The following NQO2 variants were observed in gnomAD, a reference collection of about 807,000 sequenced individuals.
NQO2 encodes the protein ribosyldihydronicotinamide dehydrogenase [quinone].
NQO2 carries 18 observed loss-of-function variants against 22.0 expected under a neutral mutation model. That is an observed-to-expected ratio of 0.82 (90% confidence interval 0.56 to 1.21). The LOEUF (loss-of-function observed/expected upper bound fraction) is 1.21, where lower values mean the gene tolerates loss of function less well. Among genes scored for constraint, NQO2 ranks in the 50% most tolerant of loss-of-function variants. NQO2 has a pLI of 0.00. For missense variants in NQO2, 267 were observed against 286.9 expected (o/e 0.93, Z 0.50); for synonymous variants, 106 against 110.8 (o/e 0.96, Z 0.28).
intron 6 of NQO2, 140 bp downstream of exon 6, chr6:3,017,125 C>T (rs1757358195): frequency 5.2e-6 from 5 of 958,444 alleles, no homozygotes; most frequent in South Asian, 1.6e-5. Flanking sequence ...GGGATGGAAG[C>T]GTGATGCCCC....
Position 3,006,366 on chromosome 6 carries a change from T to C in NQO2, c.-85-102T>C. The C allele has an allele frequency of 7.1e-7, 1 of 1,413,864 alleles. No homozygotes were observed. Among genetic ancestry groups the C allele is most frequent in the African/African-American group, 1.5e-5 (1 of 67,918 alleles). The allele number at this position is 1,413,864 out of a possible 1,614,324, so 87.6% of individuals were successfully genotyped here. ...TCTCTTGAGAGGTCTTTCTCTGATG[T>C]GTTTGCGTGTCTGTCAGGAAGCAGC... On this transcript the variant is annotated intron_variant, in intron 1 of 6. Transcript: ENST00000380455. The surrounding 1 kb of genome is among the most constrained non-coding windows in gnomAD (Gnocchi z 4.0).
chr6:3,003,781 C>T, intron 1 of NQO2: 1 of 955,428 alleles, frequency 1.0e-6, no homozygotes, highest in East Asian at 1.1e-4. Context: ...GTACCTTAAA[C>T]ACAGCAAGGT....
chr6:3,006,506 C>A lies in NQO2; in HGVS notation c.-47C>A. The A allele has an allele frequency of 6.2e-7, 1 of 1,612,808 alleles. No homozygotes were observed. The highest frequency in any genetic ancestry group is 2.2e-5 in the East Asian group (1 of 44,806). ...CTGAAGAGAGACTACGCAGGAAAGC[C>A]CCAGCCACCCATCAAATCAGAGAGA... On this transcript the variant is annotated 5_prime_UTR_variant, in exon 2 of 7. Transcript: ENST00000380455. This position sits in a 1 kb window ranked among gnomAD's most constrained non-coding sequence, Gnocchi z 4.0.
intron 5 of NQO2, 39 bp from the exon 6 acceptor site, chr6:3,016,845 C>T (rs747824891): frequency 1.2e-6 from 2 of 1,608,366 alleles, no homozygotes. Context: ...CTGTCCTCTT[C>T]TGGAGTCCAC....
Position 3,006,556 on chromosome 6 carries a change from G to T in NQO2, c.4G>T (p.Ala2Ser), listed in dbSNP as rs1212016882. The T allele has an allele frequency of 6.2e-7, 1 of 1,608,076 alleles. No individual in the cohort carries two copies. The highest frequency in any genetic ancestry group is 1.3e-5 in the African/African-American group (1 of 74,696). The change falls in exon 2 of 7, where the codon GCA becomes TCA. Residue 2 changes from alanine (A) to serine (S), a missense_variant. Transcript: ENST00000380455. The surrounding 1 kb of genome is among the most constrained non-coding windows in gnomAD (Gnocchi z 4.0). M[A>S]GKKVLIVYAH... ...AAGGAATCCACCTTCTTACGCTATG[G>T]CAGGTAATGATTCACTATTGTGGAG...
chr6:3,012,783 A>T, intron 4 of NQO2, 109 bp downstream of exon 4: 1 of 1,086,962 alleles, frequency 9.2e-7, no homozygotes, highest in Non-Finnish European at 1.3e-6. Flanking sequence ...TGTTTTGAGC[A>T]CAGTTGCACA....
At chr6:3,003,987 G>A (rs1387412586) in intron 1 of NQO2, among the ~76,000 whole-genome samples, 4 of 151,654 alleles carry the variant, frequency 2.6e-5, no homozygotes, top group African/African-American at 9.7e-5. Flanking sequence ...TCTGCTCCCT[G>A]CCCTTGGTGC....
In NQO2 at chr6:3,006,475, G is replaced by T. The variant is rs1344604458; in HGVS notation, c.-78G>T. The T allele has an allele frequency of 1.9e-6, 3 of 1,608,794 alleles. No individual in the cohort carries two copies. The highest frequency in any genetic ancestry group is 1.7e-5 in the Admixed American group (1 of 59,116). ...GTTCGTTTTGTCTTCCAGATTGCTG[G>T]ACTCGCTGAAGAGAGACTACGCAGG... On this transcript the variant is annotated 5_prime_UTR_variant, in exon 2 of 7. Transcript: ENST00000380455. This position sits in a 1 kb window ranked among gnomAD's most constrained non-coding sequence, Gnocchi z 4.0.
chr6:3,015,997 T>G (rs1337032908), intron 5 of NQO2, among the ~76,000 whole-genome samples: 1 of 151,718 alleles, frequency 6.6e-6, no homozygotes, highest in African/African-American at 2.4e-5. Flanking sequence ...AGCCCAGCCC[T>G]GGCCTGGCAC....
At chr6:3,017,918 T>A (rs1462566501) in intron 6 of NQO2, among the ~76,000 whole-genome samples, 1 of 152,176 alleles carries the variant, frequency 6.6e-6, no homozygotes, top group Non-Finnish European at 1.5e-5. Context: ...GGTTTGGTAT[T>A]TTTTAATTTT....
At chr6:3,001,237 G>A (rs951677316) in intron 1 of NQO2, among the ~76,000 whole-genome samples, 1 of 151,854 alleles carries the variant, frequency 6.6e-6, no homozygotes, top group African/African-American at 2.4e-5. Context: ...TTACAGGTGC[G>A]TGCCACTACA....
Position 3,008,422 on chromosome 6 carries a change from A to G in NQO2, c.8-1603A>G, listed in dbSNP as rs914504810. The stretch of plus-strand genomic sequence containing the variant: ...AGCGAAACTCTGTTTCAAAAAAAAA[A>G]AAAAAGAAAAAGAAAAAAGGAAAGA... On this transcript the variant is annotated intron_variant, in intron 2 of 6. Transcript: ENST00000380455. Among the ~76,000 whole-genome samples the G allele has an allele frequency of 1.1e-4, 17 of 150,496 alleles. 1 individual carries two copies. The highest frequency in any genetic ancestry group is 3.6e-4 in the African/African-American group (15 of 41,364).
intron 6 of NQO2, among the ~76,000 whole-genome samples, chr6:3,018,620 G>T (rs1335077427): frequency 6.6e-6 from 1 of 152,212 alleles, no homozygotes; most frequent in African/African-American, 2.4e-5. Context: ...CTGGATGAGG[G>T]TGTGGGTTTT....
intron 6 of NQO2, among the ~76,000 whole-genome samples, chr6:3,017,541 GCCTGCTTCCCCAGGGGA>G: frequency 6.6e-6 from 1 of 152,324 alleles, no homozygotes; most frequent in Non-Finnish European, 1.5e-5. Flanking sequence ...CCCCTCCCAG[GCCTGCTTCCCCAGGGGA>G]CCTCTTGGTG....
rs932471509 is a variant in NQO2, at chr6:3,005,793, C to G, written c.-85-675C>G. 3 of 985,256 alleles carry G rather than the reference C, an allele frequency of 3.0e-6. No homozygotes were observed. In the African/African-American group the frequency reaches 5.2e-5, roughly 17 times the overall value. The allele number at this position is 985,256 out of a possible 1,614,324, so 61.0% of individuals were successfully genotyped here. Reference sequence around the variant, plus strand: ...GCCACCGCACATAGCAACTGTCTCTCTCTCACTCTTCTGGGCCATGCTGTG... The same window carrying G: ...GCCACCGCACATAGCAACTGTCTCTGTCTCACTCTTCTGGGCCATGCTGTG... On this transcript the variant is annotated intron_variant, in intron 1 of 6. Transcript: ENST00000380455.
intron 2 of NQO2, among the ~76,000 whole-genome samples, chr6:3,007,673 G>A (rs1371007227): frequency 6.6e-6 from 1 of 152,224 alleles, no homozygotes; most frequent in Non-Finnish European, 1.5e-5. Context: ...AGAAGCCCCT[G>A]GTGTGAACGA....
intron 2 of NQO2, among the ~76,000 whole-genome samples, chr6:3,007,163 G>C (rs534598458): frequency 6.6e-6 from 1 of 152,026 alleles, no homozygotes; most frequent in Non-Finnish European, 1.5e-5. Flanking sequence ...GTTTTGGGGG[G>C]TCATCCTGTG....
At chr6:3,002,301 A>G (rs1756761025) in intron 1 of NQO2, 1 of 888,158 alleles carries the variant, frequency 1.1e-6, no homozygotes, top group South Asian at 5.2e-5. Context: ...ATCATTTCAT[A>G]TCACTCTATT....
At chr6:3,005,132 GT>G (rs1756900440) in intron 1 of NQO2, among the ~76,000 whole-genome samples, 1 of 152,130 alleles carries the variant, frequency 6.6e-6, no homozygotes. Context: ...TTTTCTGGCT[GT>G]TTTCATTCAT....
Sources: gnomAD v4.1 joint callset for allele counts (sites outside exome capture counted in the v4.1 genomes callset) on GRCh38, gnomAD v4.1.1 for gene constraint, Gnocchi (gnomAD v3.1) non-coding constraint, MANE v1.5 for transcripts, NCBI Gene and HGNC (gene_info 2026-07-23, HGNC 2026-07-21) for gene names.